UBXN2B: variants seen among roughly 807,000 people sequenced by gnomAD.
UBXN2B encodes UBX domain-containing protein 2B.
Under a neutral mutation model 37.5 loss-of-function variants are expected in UBXN2B, and 19 were observed. That is an observed-to-expected ratio of 0.51 (90% CI 0.35 to 0.74). The LOEUF (loss-of-function observed/expected upper bound fraction) is 0.74, where lower values mean the gene tolerates loss of function less well. Among genes scored for constraint, UBXN2B ranks in the 30% least tolerant of loss-of-function variants. The pLI, the probability that UBXN2B is intolerant of heterozygous loss-of-function variation, is 0.01. For missense variants in UBXN2B, 370 were observed against 393.2 expected (o/e 0.94, Z 0.50); for synonymous variants, 145 against 143.8 (o/e 1.01, Z -0.06).
At chr8:58,431,379 C>G (rs1199922797) in intron 3 of UBXN2B, among the ~76,000 whole-genome samples, 1 of 152,182 alleles carries the variant, frequency 6.6e-6, no homozygotes, top group Non-Finnish European at 1.5e-5. Context: ...CCCTTCAGAT[C>G]TGTCAGAGTT....
intron 2 of UBXN2B, among the ~76,000 whole-genome samples, chr8:58,417,652 G>A (rs1019553380): frequency 6.6e-6 from 1 of 152,014 alleles, no homozygotes; most frequent in Non-Finnish European, 1.5e-5. Flanking sequence ...CCATCCCTGG[G>A]GAAGAAACGT....
chr8:58,444,528 G>A (rs1244195838), intron 6 of UBXN2B, among the ~76,000 whole-genome samples: 1 of 152,194 alleles, frequency 6.6e-6, no homozygotes, highest in Non-Finnish European at 1.5e-5. Context: ...GGTGGTAATG[G>A]TGGTAGTGAC....
intron 3 of UBXN2B, among the ~76,000 whole-genome samples, chr8:58,432,432 G>T (rs1041851888): frequency 3.8e-5 from 5 of 130,772 alleles, no homozygotes; most frequent in Non-Finnish European, 7.7e-5. Flanking sequence ...GCCCAGGCTG[G>T]AGTGCAGTGG....
chr8:58,432,677 A>T (rs1808314799), intron 3 of UBXN2B, among the ~76,000 whole-genome samples: 1 of 152,116 alleles, frequency 6.6e-6, no homozygotes, highest in African/African-American at 2.4e-5. Flanking sequence ...CCACCTCTAT[A>T]CAGCTTTTAT....
At chr8:58,428,675 G>A (rs892461093) in intron 2 of UBXN2B, among the ~76,000 whole-genome samples, 5 of 152,146 alleles carry the variant, frequency 3.3e-5, no homozygotes, top group African/African-American at 9.7e-5. Context: ...AATTACTTCA[G>A]CAATCAATAA....
At chr8:58,443,727 GA>G (rs1808607236) in intron 6 of UBXN2B, among the ~76,000 whole-genome samples, 1 of 151,942 alleles carries the variant, frequency 6.6e-6, no homozygotes, top group Admixed American at 6.6e-5. Context: ...AGAATCACTT[GA>G]ACTCAGGAGG....
chr8:58,419,845 A>G (rs1404906426), intron 2 of UBXN2B, among the ~76,000 whole-genome samples: 1 of 152,260 alleles, frequency 6.6e-6, no homozygotes, highest in African/African-American at 2.4e-5. Context: ...GAAGGCTTTC[A>G]TAGGCATGTG....
chr8:58,449,839 C>T lies in UBXN2B; in HGVS notation c.*2288C>T, dbSNP rs1808765195. ...TCAGTTTGTTCTTCTTTTATATTCT[C>T]TAAAGCTTTCTGTTAAAAATGGTGG... On this transcript the variant is annotated 3_prime_UTR_variant, in exon 8 of 8. Transcript: ENST00000399598. 2 of 152,202 alleles carry T rather than the reference C, an allele frequency of 1.3e-5. No homozygotes were observed. The highest frequency in any genetic ancestry group is 6.5e-5 in the Admixed American group (1 of 15,278). 9.4% of individuals were successfully genotyped at this position (152,202 alleles called of 1,614,324 possible). A position where few individuals can be genotyped will look rare whatever the true frequency, so the allele number is the denominator to read the frequency against.
rs916757881 is a variant in UBXN2B at position 58,433,323 on chromosome 8, G to T, written c.423+80G>T. ...ACTGTTGGTTTTAAAATTAAGAATT[G>T]ATAATACAAATATATTTTTGTTACT... On this transcript the variant is annotated intron_variant, in intron 4 of 7. Coordinates refer to ENST00000399598, the MANE Select transcript of UBXN2B (RefSeq NM_001077619.2). 1.1e-5 allele frequency: 13 copies of T among 1,151,160 alleles called. No homozygotes were observed. The East Asian group carries it at 2.7e-4, about 24-fold the overall frequency. 71.3% of individuals were successfully genotyped at this position (1,151,160 alleles called of 1,614,324 possible).
At chr8:58,430,487 A>G (rs981087928) in intron 2 of UBXN2B, 32 bp from the exon 3 acceptor site, 10 of 1,450,780 alleles carry the variant, frequency 6.9e-6, no homozygotes, top group Non-Finnish European at 9.2e-6. Context: ...CTGTTATCCT[A>G]AGTTTTTATT....
chr8:58,419,350 A>G (rs898892890), intron 2 of UBXN2B, among the ~76,000 whole-genome samples: 2 of 152,010 alleles, frequency 1.3e-5, no homozygotes, highest in Non-Finnish European at 2.9e-5. Context: ...TTCATGGTCC[A>G]CCTCCTTGGG....
At chr8:58,437,204 G>T (rs1585614534) in intron 5 of UBXN2B, among the ~76,000 whole-genome samples, 2 of 151,974 alleles carry the variant, frequency 1.3e-5, no homozygotes. Flanking sequence ...TGGAGTAAAG[G>T]TCAGCCTTGT....
chr8:58,416,909 A>G lies in UBXN2B; in HGVS notation c.144A>G (p.Arg48=), dbSNP rs138120094. The G allele has an allele frequency of 3.8e-4, 607 of 1,612,824 alleles. 3 individuals are homozygous for G. In the East Asian group the frequency reaches 8.7e-3, roughly 23 times the overall value. The change falls in exon 2 of 8, where the codon AGA becomes AGG. Residue 48 remains arginine, a synonymous_variant. Coordinates refer to ENST00000399598, the MANE Select transcript of UBXN2B (RefSeq NM_001077619.2). The stretch of plus-strand genomic sequence containing the variant: ...AGTGCAAATCTTCCAAGTCTAATAG[A>G]CCTAAAGCCACAGTCTTCAAGAGCC... ...EVKCKSSKSN[R]PKATVFKSPR...
intron 1 of UBXN2B, among the ~76,000 whole-genome samples, chr8:58,412,118 G>A (rs746126720): frequency 2.6e-4 from 39 of 152,244 alleles, no homozygotes; most frequent in Admixed American, 4.6e-4. Context: ...AGATACTAAC[G>A]CCACTTTTCT....
chr8:58,420,485 C>T (rs1412640189), intron 2 of UBXN2B, among the ~76,000 whole-genome samples: 1 of 152,054 alleles, frequency 6.6e-6, no homozygotes, highest in Non-Finnish European at 1.5e-5. Flanking sequence ...ATGATGACAT[C>T]CTAAAACATA....
intron 5 of UBXN2B, among the ~76,000 whole-genome samples, chr8:58,437,220 C>G (rs967836123): frequency 1.3e-4 from 19 of 151,924 alleles, no homozygotes; most frequent in African/African-American, 4.4e-4. Flanking sequence ...CTTGTTACAC[C>G]CTAGCAAAGG....
intron 5 of UBXN2B, 79 bp downstream of exon 5, chr8:58,434,583 C>A: frequency 9.1e-7 from 1 of 1,100,776 alleles, no homozygotes; most frequent in Non-Finnish European, 1.3e-6. Context: ...TATTAGTGCA[C>A]TACGGGTTTT....
rs766056901 is a variant in UBXN2B at position 58,416,897 on chromosome 8, C to T, written c.132C>T (p.Ser44=). The T allele has an allele frequency of 3.5e-5, 57 of 1,612,546 alleles. No homozygotes were observed. The highest frequency in any genetic ancestry group is 4.5e-5 in the Non-Finnish European group (53 of 1,179,066). ...LYEDEVKCKS[S]KSNRPKATVF... ...AAGATGAAGTGAAGTGCAAATCTTC[C>T]AAGTCTAATAGACCTAAAGCCACAG... The change falls in exon 2 of 8, where the codon TCC becomes TCT. Residue 44 remains serine (S), a synonymous_variant. Coordinates refer to ENST00000399598, the MANE Select transcript of UBXN2B (RefSeq NM_001077619.2).
intron 2 of UBXN2B, among the ~76,000 whole-genome samples, chr8:58,422,471 T>C (rs543521271): frequency 6.6e-6 from 1 of 152,240 alleles, no homozygotes; most frequent in African/African-American, 2.4e-5. Context: ...GATATTTTCA[T>C]TGAAATATCC....
Sources: gnomAD v4.1 joint callset for allele counts (sites outside exome capture counted in the v4.1 genomes callset) on GRCh38, gnomAD v4.1.1 for gene constraint, MANE v1.5 for transcripts, NCBI Gene and HGNC (gene_info 2026-07-23, HGNC 2026-07-21) for gene names.